The following POLD3 variants were observed in gnomAD, a reference collection of about 807,000 sequenced individuals.
POLD3 encodes DNA polymerase delta 3, accessory subunit, also known as DNA polymerase delta subunit 3.
In POLD3, 19 loss-of-function variants were observed where a neutral mutation model predicts 58.2. That is an observed-to-expected ratio of 0.33 (90% CI 0.23 to 0.48). The LOEUF (loss-of-function observed/expected upper bound fraction) is 0.48, where lower values mean the gene tolerates loss of function less well. POLD3 is among the 20% of genes least tolerant of loss of function. The pLI is 0.99. For missense variants in POLD3, 504 were observed against 545.5 expected (o/e 0.92, Z 0.76); for synonymous variants, 172 against 193.5 (o/e 0.89, Z 0.92).
intron 2 of POLD3, among the ~76,000 whole-genome samples, chr11:74,599,717 A>G (rs1467487188): frequency 6.6e-6 from 1 of 151,950 alleles, no homozygotes; most frequent in African/African-American, 2.4e-5. Flanking sequence ...AGTAAACCTG[A>G]CAGACAGGGT....
At chr11:74,651,281 C>T (rs1395312272) in intron 4 of POLD3, among the ~76,000 whole-genome samples, 1 of 152,142 alleles carries the variant, frequency 6.6e-6, no homozygotes, top group Non-Finnish European at 1.5e-5. Flanking sequence ...GCCATGTGAT[C>T]CTGGGAAAGT....
Position 74,604,814 on chromosome 11 carries a change from T to C in POLD3, c.219+20T>C. On this transcript the variant is annotated intron_variant, in intron 3 of 11. Coordinates refer to ENST00000263681, the MANE Select transcript of POLD3 (RefSeq NM_006591.3). ...CATTCCGTAAGTTCTCAGAGCCTTGTAATGAGCTTAAATGTGTTTGTGTTA... is the reference window on the plus strand; with the variant it reads ...CATTCCGTAAGTTCTCAGAGCCTTGCAATGAGCTTAAATGTGTTTGTGTTA... The C allele has an allele frequency of 1.6e-6, 2 of 1,239,716 alleles. No individual in the cohort carries two copies. Among genetic ancestry groups the C allele is most frequent in the Non-Finnish European group, 2.4e-6 (2 of 838,200 alleles). 76.8% of individuals were successfully genotyped at this position (1,239,716 alleles called of 1,614,324 possible).
rs912772568 is a variant in POLD3, at chr11:74,640,607, A to G, written c.1242A>G (p.Glu414=). The change falls in exon 12 of 12, where the codon GAA becomes GAG. Residue 414 remains glutamate, a synonymous_variant. Transcript: ENST00000263681. ...AGAGTGAATCCTGCACAGATAGTGAAGAGGAGCTTAACATGAAGACATCCT... is the reference window on the plus strand; with the variant it reads ...AGAGTGAATCCTGCACAGATAGTGAGGAGGAGCTTAACATGAAGACATCCT... The part of the protein sequence containing the change: ...VYESESCTDS[E]EELNMKTSSV... 45 of 1,604,270 alleles carry G rather than the reference A, an allele frequency of 2.8e-5. No individual in the cohort carries two copies. The highest frequency in any genetic ancestry group is 5.2e-5 in the Admixed American group (3 of 58,244).
intron 8 of POLD3, among the ~76,000 whole-genome samples, chr11:74,626,323 T>C (rs564037661): frequency 2.0e-5 from 3 of 152,324 alleles, no homozygotes; most frequent in Admixed American, 1.3e-4. Flanking sequence ...TTGATACTTA[T>C]TGCCAGCAGT....
intron 2 of POLD3, among the ~76,000 whole-genome samples, chr11:74,603,820 A>G (rs61901540): frequency 0.12 from 18,883 of 152,176 alleles, 1,483 homozygotes; most frequent in African/African-American, 0.22. Flanking sequence ...TGGCAGAAGT[A>G]TATTATAGAC....
At chr11:74,621,415 G>A (rs761763327) in intron 7 of POLD3, among the ~76,000 whole-genome samples, 5 of 102,566 alleles carry the variant, frequency 4.9e-5, no homozygotes, top group East Asian at 2.8e-4. Context: ...CCCCACCGCC[G>A]CCCACCACCA....
At chr11:74,659,162 A>T (rs761735941) in intron 4 of POLD3, among the ~76,000 whole-genome samples, 3 of 152,174 alleles carry the variant, frequency 2.0e-5, no homozygotes, top group African/African-American at 7.2e-5. Flanking sequence ...TCAACACCAC[A>T]TGGAAGCTGC....
chr11:74,655,658 CA>C (rs11316500), intron 4 of POLD3, among the ~76,000 whole-genome samples: 43,470 of 133,322 alleles, frequency 0.33, 6,953 homozygotes, highest in African/African-American at 0.45. Context: ...TATATTTGAC[CA>C]AAAAAAAAAA....
At chr11:74,601,622 A>G (rs1325264262) in intron 2 of POLD3, among the ~76,000 whole-genome samples, 1 of 152,128 alleles carries the variant, frequency 6.6e-6, no homozygotes. Context: ...GCCTGTTTCT[A>G]CCAGGAAGAA....
intron 4 of POLD3, among the ~76,000 whole-genome samples, chr11:74,655,892 G>T (rs1484242573): frequency 6.6e-6 from 1 of 152,130 alleles, no homozygotes; most frequent in African/African-American, 2.4e-5. Flanking sequence ...AAGTCATACA[G>T]ATTGAAAGGA....
downstream of POLD3, among the ~76,000 whole-genome samples, chr11:74,643,251 G>C (rs74598433): frequency 9.2e-3 from 1,400 of 152,276 alleles, 19 homozygotes; most frequent in African/African-American, 0.032. Context: ...TGTACATGTA[G>C]TAAAAAGGGG....
chr11:74,645,589 C>T (rs1300850809), downstream of POLD3, among the ~76,000 whole-genome samples: 1 of 152,176 alleles, frequency 6.6e-6, no homozygotes, highest in African/African-American at 2.4e-5. Context: ...AACTTGTTTC[C>T]TCATCTTTAA....
chr11:74,633,800 CTG>C (rs1423089444), intron 9 of POLD3, among the ~76,000 whole-genome samples: 1 of 152,194 alleles, frequency 6.6e-6, no homozygotes, highest in Non-Finnish European at 1.5e-5. Flanking sequence ...GTTAACCTCA[CTG>C]TAGCAGAACA....
intron 4 of POLD3, among the ~76,000 whole-genome samples, chr11:74,654,367 TAATC>T (rs1371045806): frequency 2.0e-5 from 3 of 152,152 alleles, no homozygotes; most frequent in Non-Finnish European, 2.9e-5. Context: ...ATAAGAGAGT[TAATC>T]AAGAAGATAT....
chr11:74,607,682 A>T (rs1214284085), intron 3 of POLD3, among the ~76,000 whole-genome samples: 2 of 151,120 alleles, frequency 1.3e-5, no homozygotes, highest in Non-Finnish European at 2.9e-5. Context: ...CTTGGGTTTA[A>T]GCCATCTTCC....
At chr11:74,655,557 C>T (rs563370643) in intron 4 of POLD3, among the ~76,000 whole-genome samples, 10 of 151,960 alleles carry the variant, frequency 6.6e-5, no homozygotes, top group South Asian at 2.1e-4. Flanking sequence ...TTGATATTTA[C>T]GGAACACAAC....
chr11:74,623,291 T>G (rs1466245072), intron 7 of POLD3, among the ~76,000 whole-genome samples: 1 of 151,840 alleles, frequency 6.6e-6, no homozygotes, highest in Non-Finnish European at 1.5e-5. Context: ...AAAAATTAGC[T>G]GGGCCTGTTG....
At chr11:74,593,019 C>T in intron 1 of POLD3, 2 of 1,238,884 alleles carry the variant, frequency 1.6e-6, no homozygotes, top group Admixed American at 3.5e-5. Context: ...CTAAGGCGTC[C>T]CTACACCTTT....
At position 74,634,675 on chromosome 11, in the gene POLD3, C is replaced by T. The variant is rs531237845; in HGVS notation, c.1099C>T (p.Pro367Ser). ...PPLEPVPKTEPEPPSVKSSSG... is the reference protein window; with the variant it reads ...PPLEPVPKTESEPPSVKSSSG... ...TCTTGAACCAGTGCCAAAGACTGAG[C>T]CTGAACCTCCTTCTGTCAAGGTAAA... Residue 367 changes from proline (P) to serine (S), a missense_variant, in exon 10 of 12, where the codon CCT becomes TCT. Pro to Ser is a moderately conservative substitution (Grantham distance 74). Coordinates refer to ENST00000263681, the MANE Select transcript of POLD3 (RefSeq NM_006591.3). 6.2e-7 allele frequency: 1 copy of T among 1,603,508 alleles called. No individual in the cohort carries two copies. The highest frequency in any genetic ancestry group is 1.7e-5 in the Admixed American group (1 of 60,000).
Sources: allele counts gnomAD v4.1 joint callset (sites outside exome capture counted in the v4.1 genomes callset), GRCh38; gene constraint gnomAD v4.1.1; transcripts MANE v1.5; gene names NCBI Gene and HGNC (gene_info 2026-07-23, HGNC 2026-07-21).